Variants in SPIRE2 observed in about 807,000 individuals in gnomAD.
The protein encoded by SPIRE2 is spire type actin nucleation factor 2.
Under a neutral mutation model 80.7 loss-of-function variants are expected in SPIRE2, and 76 were observed. That is an observed-to-expected ratio of 0.94 (90% CI 0.78 to 1.14). The LOEUF (loss-of-function observed/expected upper bound fraction) is 1.14, where lower values mean the gene tolerates loss of function less well. Among genes scored for constraint, SPIRE2 ranks in the 50% most tolerant of loss-of-function variants. The pLI is 0.00. For synonymous variants in SPIRE2, 535 were observed against 432.6 expected, an observed-to-expected ratio of 1.24 and a Z score of -2.94; for missense variants, 1,196 against 1,015.3, an observed-to-expected ratio of 1.18 and a Z score of -2.42.
At chr16:89,852,585 G>A (rs536007965) in intron 3 of SPIRE2, among the ~76,000 whole-genome samples, 1 of 31,068 alleles carries the variant, frequency 3.2e-5, no homozygotes, top group Non-Finnish European at 6.2e-5. Context: ...GGATCCCCTG[G>A]CCCATCTTCC....
rs768833545 is a variant in SPIRE2 at position 89,855,650 on chromosome 16, C to T, written c.942C>T (p.Ile314=). 3.7e-6 allele frequency: 6 copies of T among 1,612,748 alleles called. No individual in the cohort carries two copies. The highest frequency in any genetic ancestry group is 1.7e-6 in the Non-Finnish European group (2 of 1,179,964). ...TGAAGAAGGACGCTCACGAGCTCATCCTGGACTTTATCCGCTCACGGCCTC... is the reference window on the plus strand; with the variant it reads ...TGAAGAAGGACGCTCACGAGCTCATTCTGGACTTTATCCGCTCACGGCCTC... The part of the protein sequence containing the change: ...PRVKKDAHEL[I]LDFIRSRPPL... The change falls in exon 6 of 15, where the codon ATC becomes ATT. Residue 314 remains isoleucine (I), a synonymous_variant. Transcript: ENST00000378247.
chr16:89,841,359 C>T (rs1282494963), intron 1 of SPIRE2, among the ~76,000 whole-genome samples: 2 of 152,094 alleles, frequency 1.3e-5, no homozygotes, highest in Non-Finnish European at 2.9e-5. Context: ...ATCTGGGGTC[C>T]TTACTGCCTC....
At position 89,870,207 on chromosome 16, in the gene SPIRE2, C is replaced by G. The variant is rs372844688; in HGVS notation, c.2080C>G (p.Pro694Ala). Residue 694 changes from proline to alanine, a missense_variant, in exon 15 of 15, where the codon CCA becomes GCA. By Grantham distance (27) the Pro-to-Ala change is conservative. Coordinates refer to ENST00000378247, the MANE Select transcript of SPIRE2 (RefSeq NM_032451.2). ...RKSVDVLNTT[P>A]RRSRQTQSLY... ...GAGCGTGGACGTCCTCAACACTACG[C>G]CACGACGCAGTCGCCAGACCCAATC... 1.2e-6 allele frequency: 2 copies of G among 1,608,516 alleles called. No individual in the cohort carries two copies. Among genetic ancestry groups the G allele is most frequent in the Non-Finnish European group, 1.7e-6 (2 of 1,177,722 alleles).
chr16:89,833,005 TTG>T (rs10541601), intron 1 of SPIRE2, among the ~76,000 whole-genome samples: 80,715 of 144,244 alleles, frequency 0.56, 23,919 homozygotes, highest in East Asian at 0.72. Flanking sequence ...TTTTTTTTTT[TTG>T]TGAGACAGAG....
intron 10 of SPIRE2, among the ~76,000 whole-genome samples, chr16:89,861,624 G>A (rs1271580595): frequency 2.0e-5 from 3 of 152,174 alleles, no homozygotes; most frequent in Non-Finnish European, 4.4e-5. Flanking sequence ...AGTTTCTGAG[G>A]GTTGGGACTC....
At chr16:89,845,539 G>A (rs1403510422) in intron 2 of SPIRE2, 174 bp downstream of exon 2, 3 of 743,856 alleles carry the variant, frequency 4.0e-6, no homozygotes, top group Non-Finnish European at 7.1e-6. Context: ...TTCACAGAGA[G>A]CAGACGTGGA....
chr16:89,843,699 T>G (rs1471367102), intron 1 of SPIRE2, among the ~76,000 whole-genome samples: 15 of 55,330 alleles, frequency 2.7e-4, no homozygotes, highest in African/African-American at 1.2e-3. Flanking sequence ...TTGTTTTTTG[T>G]TTTTTTTTTT....
At chr16:89,840,692 A>G (rs1460335722) in intron 1 of SPIRE2, among the ~76,000 whole-genome samples, 72 of 140,414 alleles carry the variant, frequency 5.1e-4, no homozygotes, top group African/African-American at 8.4e-4. Context: ...CTGGAGTGCA[A>G]TGGCGCAATC....
chr16:89,865,638 G>A (rs75131517), intron 12 of SPIRE2, among the ~76,000 whole-genome samples: 11,304 of 152,038 alleles, frequency 0.074, 421 homozygotes, highest in Non-Finnish European at 0.095. Flanking sequence ...TCATCCACAC[G>A]ACCCAAGTAA....
At position 89,863,796 on chromosome 16, in the gene SPIRE2, T is replaced by C; in HGVS notation, c.1713T>C (p.Ile571=). The change falls in exon 12 of 15, where the codon ATT becomes ATC. Residue 571 remains isoleucine, a splice_region_variant and synonymous_variant. Transcript: ENST00000378247. The surrounding 1 kb of genome is among the most constrained non-coding windows in gnomAD (Gnocchi z 4.3). ...ELFSSLKKGK[I]CCCCRAKFPL... is the part of the protein sequence containing the mutation. ...CTCTAACCAGTCTCTCCTGACAGAT[T>C]TGCTGCTGCTGCCGGGCCAAGTTCC... The C allele has an allele frequency of 6.2e-7, 1 of 1,613,954 alleles. No individual in the cohort carries two copies. The highest frequency in any genetic ancestry group is 8.5e-7 in the Non-Finnish European group (1 of 1,179,928).
chr16:89,843,997 G>C (rs2041532921), intron 1 of SPIRE2, among the ~76,000 whole-genome samples: 1 of 148,644 alleles, frequency 6.7e-6, no homozygotes, highest in Non-Finnish European at 1.5e-5. Context: ...TGCCGTGCCT[G>C]GCCTTTTTTT....
At chr16:89,836,698 G>A (rs1181980836) in intron 1 of SPIRE2, among the ~76,000 whole-genome samples, 1 of 151,908 alleles carries the variant, frequency 6.6e-6, no homozygotes, top group Non-Finnish European at 1.5e-5. Context: ...AATATCCCCC[G>A]GCCGGGGGCG....
At chr16:89,834,422 G>A (rs1301427401) in intron 1 of SPIRE2, among the ~76,000 whole-genome samples, 4 of 132,756 alleles carry the variant, frequency 3.0e-5, no homozygotes, top group African/African-American at 1.1e-4. Context: ...GCCCGCACTC[G>A]CGGTTGGCCA....
chr16:89,846,518 T>A (rs1371149301), intron 2 of SPIRE2: 1 of 15,770 alleles, frequency 6.3e-5, no homozygotes, highest in South Asian at 3.6e-3. Flanking sequence ...AATTTTTGTG[T>A]TTTTTTTTGT....
intron 13 of SPIRE2, among the ~76,000 whole-genome samples, chr16:89,869,104 A>G (rs977266759): frequency 5.2e-5 from 7 of 133,542 alleles, no homozygotes; most frequent in Non-Finnish European, 1.1e-4. Flanking sequence ...GTTCAGAAGC[A>G]AAACTCTGCT....
At chr16:89,869,072 A>ATATATATATATATATATATATGTATG (rs67559135) in intron 13 of SPIRE2, among the ~76,000 whole-genome samples, 1 of 65,942 alleles carries the variant, frequency 1.5e-5, no homozygotes, top group Non-Finnish European at 2.8e-5. Flanking sequence ...ATATATATAT[A>ATATATATATATATATATATATGTATG]TATGTTACCC....
At position 89,869,659 on chromosome 16, in the gene SPIRE2, A is replaced by C. The variant is rs554688190; in HGVS notation, c.1899A>C (p.Pro633=). The part of the protein sequence containing the change: ...PQRVSAAKTA[P]IQRRDIFQSL... The stretch of plus-strand genomic sequence containing the variant: ...GGGTATCAGCTGCCAAAACCGCGCC[A>C]ATCCAGAGAAGAGACATCTTTCAGT... Residue 633 remains proline (P), a synonymous_variant, in exon 14 of 15, where the codon CCA becomes CCC. Coordinates refer to ENST00000378247, the MANE Select transcript of SPIRE2 (RefSeq NM_032451.2). 14 of 1,614,012 alleles carry C rather than the reference A, an allele frequency of 8.7e-6. No homozygotes were observed. In the South Asian group the frequency reaches 1.3e-4, roughly 15 times the overall value.
At chr16:89,859,713 G>T (rs1287680485) in intron 9 of SPIRE2, among the ~76,000 whole-genome samples, 1 of 152,128 alleles carries the variant, frequency 6.6e-6, no homozygotes, top group African/African-American at 2.4e-5. Context: ...AGCCGGCTGG[G>T]CTCGCAGCAC....
intron 2 of SPIRE2, chr16:89,846,290 G>A (rs993478997): frequency 1.3e-5 from 2 of 151,150 alleles, no homozygotes; most frequent in Non-Finnish European, 2.9e-5. Flanking sequence ...GCCTCCCAAA[G>A]TGCTGGGATT....
Sources: gnomAD v4.1 joint callset for allele counts (sites outside exome capture counted in the v4.1 genomes callset) on GRCh38, gnomAD v4.1.1 for gene constraint, Gnocchi (gnomAD v3.1) non-coding constraint, MANE v1.5 for transcripts, NCBI Gene and HGNC (gene_info 2026-07-23, HGNC 2026-07-21) for gene names.